Variants in CUX2 observed in about 807,000 individuals in gnomAD.
CUX2 encodes cut like homeobox 2.
In CUX2, 40 loss-of-function variants were observed where a neutral mutation model predicts 144.8. The ratio of observed to expected loss-of-function variants is 0.28; its 90% CI spans 0.21 to 0.36. The LOEUF (loss-of-function observed/expected upper bound fraction) is 0.36, where lower values mean the gene tolerates loss of function less well. Among genes scored for constraint, CUX2 ranks in the 10% least tolerant of loss-of-function variants. The probability of loss-of-function intolerance (pLI) is 1.00; values close to 1 mark genes in which losing one functional copy is unlikely to be tolerated. For missense variants in CUX2, 1,615 were observed against 1,994.0 expected, an observed-to-expected ratio of 0.81 and a Z score of 3.62; for synonymous variants, 827 against 875.6, an observed-to-expected ratio of 0.94 and a Z score of 0.98.
rs1278524437 is a variant in CUX2 at position 111,239,683 on chromosome 12, T to G, written c.222+21746T>G. Among the ~76,000 whole-genome samples the G allele has an allele frequency of 2.0e-5, 3 of 152,192 alleles. No homozygotes were observed. The East Asian group carries it at 5.8e-4, about 29-fold the overall frequency. On this transcript the variant is annotated intron_variant, in intron 3 of 21. Transcript: ENST00000261726. ...TCCCTTTTTTTCCCATCTTGTTATT[T>G]AGGGAGAGAGGGAAAAGCCATTTCT...
At chr12:111,147,367 A>G (rs1400594838) in intron 1 of CUX2, among the ~76,000 whole-genome samples, 3 of 152,142 alleles carry the variant, frequency 2.0e-5, no homozygotes, top group South Asian at 4.2e-4. Flanking sequence ...ACTCAGAGCA[A>G]TACAAAATAA....
chr12:111,074,170 A>G (rs766519019), intron 1 of CUX2, among the ~76,000 whole-genome samples: 4 of 151,994 alleles, frequency 2.6e-5, no homozygotes, highest in Non-Finnish European at 4.4e-5. Context: ...TCTTCTGAAC[A>G]CTGCAGTGAA....
intron 4 of CUX2, among the ~76,000 whole-genome samples, chr12:111,278,291 C>T (rs1427606880): frequency 6.6e-6 from 1 of 152,210 alleles, no homozygotes; most frequent in Non-Finnish European, 1.5e-5. Flanking sequence ...TGGCATGTGC[C>T]TGTGGCCCCC....
At chr12:111,093,535 C>T (rs192959388) in intron 1 of CUX2, among the ~76,000 whole-genome samples, 19 of 152,034 alleles carry the variant, frequency 1.2e-4, no homozygotes, top group East Asian at 1.9e-4. Context: ...AATAACCCAA[C>T]GCCTGAGTCA....
chr12:111,092,140 T>C (rs1315171213), intron 1 of CUX2, among the ~76,000 whole-genome samples: 1 of 152,244 alleles, frequency 6.6e-6, no homozygotes, highest in Non-Finnish European at 1.5e-5. Flanking sequence ...CCAGCATCTT[T>C]AGAAAACGTT....
chr12:111,081,469 G>GA (rs2136043037), intron 1 of CUX2, among the ~76,000 whole-genome samples: 2 of 152,136 alleles, frequency 1.3e-5, no homozygotes, highest in Admixed American at 6.5e-5. Context: ...CTGACCAGGG[G>GA]AATGAGATCT....
At chr12:111,122,145 A>G (rs1352725002) in intron 1 of CUX2, among the ~76,000 whole-genome samples, 1 of 152,166 alleles carries the variant, frequency 6.6e-6, no homozygotes, top group Non-Finnish European at 1.5e-5. Flanking sequence ...GAACTCTTGA[A>G]AGCCTGATGC....
intron 1 of CUX2, among the ~76,000 whole-genome samples, chr12:111,080,177 C>T (rs1871801433): frequency 6.6e-6 from 1 of 152,180 alleles, no homozygotes; most frequent in Non-Finnish European, 1.5e-5. Flanking sequence ...TGCTCCTTTG[C>T]TCTGTCTGGT....
intron 1 of CUX2, among the ~76,000 whole-genome samples, chr12:111,149,962 C>G (rs1876932470): frequency 6.6e-6 from 1 of 152,132 alleles, no homozygotes; most frequent in Admixed American, 6.5e-5. Flanking sequence ...GGAATTGTAG[C>G]CTTTTAGTTA....
chr12:111,266,062 G>C (rs1884369844), intron 4 of CUX2, among the ~76,000 whole-genome samples: 1 of 152,138 alleles, frequency 6.6e-6, no homozygotes, highest in Non-Finnish European at 1.5e-5. Flanking sequence ...TTATGTCTAC[G>C]TAGAACTTCA....
At chr12:111,298,110 A>T (rs11834996) in intron 8 of CUX2, among the ~76,000 whole-genome samples, 21,416 of 152,122 alleles carry the variant, frequency 0.14, 2,110 homozygotes, top group African/African-American at 0.27. Context: ...CTGCTAACAG[A>T]GGGGATGCCT....
intron 1 of CUX2, among the ~76,000 whole-genome samples, chr12:111,148,904 G>A (rs917798222): frequency 2.6e-5 from 4 of 152,132 alleles, no homozygotes; most frequent in African/African-American, 9.7e-5. Context: ...GGCTGAGGGA[G>A]GAGGATTGCT....
intron 3 of CUX2, among the ~76,000 whole-genome samples, chr12:111,218,570 C>A (rs1270347235): frequency 6.6e-6 from 1 of 152,070 alleles, no homozygotes; most frequent in Non-Finnish European, 1.5e-5. Context: ...AACAAACCTA[C>A]CTCACCTTCC....
rs752376064 is a variant in CUX2 at position 111,255,366 on chromosome 12, G to A, written c.223-8395G>A. ...AAAATGTAATTTTCATTTGCTCAGC[G>A]GCATCACTGATGGATGGCAGAGAGC... On this transcript the variant is annotated intron_variant, in intron 3 of 21. Coordinates refer to ENST00000261726, the MANE Select transcript of CUX2 (RefSeq NM_015267.4). This position sits in a 1 kb window ranked among gnomAD's most constrained non-coding sequence, Gnocchi z 4.1. 5.9e-5 allele frequency among the ~76,000 whole-genome samples: 9 copies of A among 152,190 alleles called. No individual in the cohort carries two copies. Among genetic ancestry groups the A allele is most frequent in the Non-Finnish European group, 1.0e-4 (7 of 68,040 alleles).
chr12:111,183,681 CTGA>C (rs1412303871), intron 1 of CUX2, among the ~76,000 whole-genome samples: 1 of 152,202 alleles, frequency 6.6e-6, no homozygotes, highest in Non-Finnish European at 1.5e-5. Flanking sequence ...GCAGGTAGGG[CTGA>C]TGACAGTGCA....
intron 3 of CUX2, among the ~76,000 whole-genome samples, chr12:111,221,580 T>C (rs183718125): frequency 2.5e-4 from 38 of 152,258 alleles, no homozygotes; most frequent in Non-Finnish European, 4.4e-4. Flanking sequence ...CAGAATATCA[T>C]GCCCGTCATT....
chr12:111,298,650 C>A, intron 9 of CUX2, 61 bp downstream of exon 9: 1 of 1,480,816 alleles, frequency 6.8e-7, no homozygotes, highest in South Asian at 1.2e-5. Context: ...GGGTGGGGGT[C>A]TCGGGCCAGA....
chr12:111,214,925 C>G (rs1400295493), intron 2 of CUX2, among the ~76,000 whole-genome samples: 1 of 152,138 alleles, frequency 6.6e-6, no homozygotes, highest in Admixed American at 6.5e-5. Context: ...TTTACCGGCC[C>G]GGATGTGTGA....
chr12:111,302,667 A>T (rs1328615541), intron 9 of CUX2, among the ~76,000 whole-genome samples: 2 of 150,274 alleles, frequency 1.3e-5, no homozygotes, highest in African/African-American at 4.9e-5. Context: ...TGGGAGGCTG[A>T]GGTGGGTGGA....
Sources: allele counts gnomAD v4.1 joint callset (sites outside exome capture counted in the v4.1 genomes callset), GRCh38; gene constraint gnomAD v4.1.1; non-coding constraint Gnocchi (gnomAD v3.1); transcripts MANE v1.5; gene names NCBI Gene and HGNC (gene_info 2026-07-23, HGNC 2026-07-21).